The following RANBP2 variants were observed in gnomAD, a reference collection of about 807,000 sequenced individuals.
RANBP2 encodes the protein RAN binding protein 2.
Under a neutral mutation model 303.6 loss-of-function variants are expected in RANBP2, and 57 were observed. That is an observed-to-expected ratio of 0.19 (90% CI 0.15 to 0.23). The LOEUF (loss-of-function observed/expected upper bound fraction) is 0.23. Among genes scored for constraint, RANBP2 ranks in the 10% least tolerant of loss-of-function variants. The probability of loss-of-function intolerance (pLI) is 1.00; values close to 1 mark genes in which losing one functional copy is unlikely to be tolerated. For synonymous variants in RANBP2, 1,167 were observed against 1,301.5 expected (o/e 0.90, Z 2.23); for missense variants, 3,138 against 3,780.8 (o/e 0.83, Z 4.46).
chr2:108,887,123 T>C, the RANBP2 span, among the ~76,000 whole-genome samples: 1 of 152,216 alleles, frequency 6.6e-6, no homozygotes, highest in Non-Finnish European at 1.5e-5. Flanking sequence ...CTCAGTACCA[T>C]TTATTGAAGA....
At chr2:109,316,258 G>T in the RANBP2 span, among the ~76,000 whole-genome samples, 1 of 152,196 alleles carries the variant, frequency 6.6e-6, no homozygotes, top group Non-Finnish European at 1.5e-5. Flanking sequence ...CTCCAACTGG[G>T]CTATCAGTGC....
At chr2:108,885,854 CAT>C in the RANBP2 span, among the ~76,000 whole-genome samples, 20 of 152,306 alleles carry the variant, frequency 1.3e-4, no homozygotes, top group African/African-American at 3.6e-4. Context: ...TAAGTGGAAA[CAT>C]GTGACATTTG....
the RANBP2 span, chr2:109,574,818 A>T: frequency 7.5e-7 from 1 of 1,329,804 alleles, no homozygotes; most frequent in Non-Finnish European, 1.0e-6. Flanking sequence ...CTACCTTAAG[A>T]TATCTGTGCA....
the RANBP2 span, among the ~76,000 whole-genome samples, chr2:108,999,357 C>A: frequency 6.6e-6 from 1 of 152,204 alleles, no homozygotes; most frequent in South Asian, 2.1e-4. Flanking sequence ...CTCTTTCATT[C>A]CTTAACATTA....
At chr2:108,945,837 G>T in the RANBP2 span, among the ~76,000 whole-genome samples, 1 of 152,170 alleles carries the variant, frequency 6.6e-6, no homozygotes, top group Non-Finnish European at 1.5e-5. Flanking sequence ...GATCCCACTT[G>T]TATGAGGTCC....
the RANBP2 span, among the ~76,000 whole-genome samples, chr2:108,866,839 C>T: frequency 0.07 from 10,537 of 151,286 alleles, 2,805 homozygotes; most frequent in East Asian, 0.87. Context: ...GCCGAGATCA[C>T]GCCACGGCAC....
the RANBP2 span, among the ~76,000 whole-genome samples, chr2:109,740,040 G>A: frequency 4.0e-5 from 6 of 149,034 alleles, no homozygotes; most frequent in East Asian, 9.7e-4. Flanking sequence ...AGGCTGGAGT[G>A]CAGTGGCATG....
At chr2:109,430,744 T>A in the RANBP2 span, among the ~76,000 whole-genome samples, 6 of 152,318 alleles carry the variant, frequency 3.9e-5, no homozygotes, top group Admixed American at 3.9e-4. Context: ...GCATTGAAAC[T>A]GTGAACGTGG....
chr2:108,844,363 T>C, the RANBP2 span, among the ~76,000 whole-genome samples: 1 of 152,202 alleles, frequency 6.6e-6, no homozygotes, highest in Admixed American at 6.5e-5. Context: ...TTATTGAGAC[T>C]GTTATTGTAT....
the RANBP2 span, chr2:109,666,980 A>G: frequency 7.2e-6 from 3 of 417,848 alleles, no homozygotes; most frequent in South Asian, 4.8e-5. Context: ...TCCATATTTG[A>G]TGGATGACTG....
At chr2:108,973,715 G>A in the RANBP2 span, among the ~76,000 whole-genome samples, 7 of 152,152 alleles carry the variant, frequency 4.6e-5, no homozygotes, top group East Asian at 1.9e-4. Flanking sequence ...CCTCCACACC[G>A]ACTACAAAAC....
chr2:109,212,525 A>G, the RANBP2 span, among the ~76,000 whole-genome samples: 3 of 152,188 alleles, frequency 2.0e-5, no homozygotes, highest in African/African-American at 7.2e-5. Context: ...GGCTTGAGGT[A>G]GCTTTGCCCA....
At chr2:109,675,372 C>T in the RANBP2 span, among the ~76,000 whole-genome samples, 1 of 152,216 alleles carries the variant, frequency 6.6e-6, no homozygotes, top group African/African-American at 2.4e-5. Context: ...AGGGCAAACC[C>T]TTAGCAGAGA....
At chr2:109,621,351 C>T in the RANBP2 span, among the ~76,000 whole-genome samples, 1 of 151,972 alleles carries the variant, frequency 6.6e-6, no homozygotes, top group South Asian at 2.1e-4. Context: ...CGGGGTTTCA[C>T]CATGTTGGCC....
At chr2:108,830,563 T>G in the RANBP2 span, among the ~76,000 whole-genome samples, 1 of 151,696 alleles carries the variant, frequency 6.6e-6, no homozygotes, top group African/African-American at 2.4e-5. Context: ...TCCCAGCACT[T>G]TGGGAGGCCG....
chr2:109,416,043 G>T, the RANBP2 span, among the ~76,000 whole-genome samples: 2 of 152,196 alleles, frequency 1.3e-5, no homozygotes, highest in African/African-American at 4.8e-5. Context: ...GTCCCCACCA[G>T]CAAGAAGGCT....
chr2:109,615,423 C>T, the RANBP2 span: 1 of 1,613,094 alleles, frequency 6.2e-7, no homozygotes, highest in South Asian at 1.1e-5. Context: ...GGCCGCCAAG[C>T]ACGGCAGGCA....
chr2:108,751,039 A>G (rs1024089383), intron 9 of RANBP2, among the ~76,000 whole-genome samples: 28 of 152,210 alleles, frequency 1.8e-4, no homozygotes, highest in African/African-American at 2.7e-4. Context: ...GGACTTAAAC[A>G]TTCTTCATCA....
the RANBP2 span, among the ~76,000 whole-genome samples, chr2:109,469,130 T>C: frequency 6.6e-6 from 1 of 152,212 alleles, no homozygotes; most frequent in Non-Finnish European, 1.5e-5. Context: ...GCCATGCCTT[T>C]CTTCTCCACC....
Sources: allele counts gnomAD v4.1 joint callset (sites outside exome capture counted in the v4.1 genomes callset), GRCh38; gene constraint gnomAD v4.1.1; transcripts MANE v1.5; gene names NCBI Gene and HGNC (gene_info 2026-07-23, HGNC 2026-07-21).